LRP1B: variants seen among roughly 807,000 people sequenced by gnomAD.
LRP1B encodes LDL receptor related protein 1B.
LRP1B carries 217 observed loss-of-function variants against 556.6 expected under a neutral mutation model. The observed-to-expected ratio is 0.39, with a 90% CI of 0.35 to 0.44. The LOEUF (loss-of-function observed/expected upper bound fraction) is 0.44, where lower values mean the gene tolerates loss of function less well. LRP1B is among the 20% of genes least tolerant of loss of function. The pLI is 1.00. For synonymous variants in LRP1B, 2,047 were observed against 1,865.8 expected (o/e 1.10, Z -2.50); for missense variants, 5,053 against 5,620.8 (o/e 0.90, Z 3.23).
intron 87 of LRP1B, among the ~76,000 whole-genome samples, chr2:140,241,980 CTT>C (rs142369553): frequency 6.6e-6 from 1 of 150,534 alleles, no homozygotes; most frequent in Non-Finnish European, 1.5e-5. Context: ...TAGAGCAAGT[CTT>C]TTTTTGCAAC....
At chr2:141,732,638 G>C (rs1693316773) in intron 2 of LRP1B, among the ~76,000 whole-genome samples, 1 of 152,034 alleles carries the variant, frequency 6.6e-6, no homozygotes, top group Non-Finnish European at 1.5e-5. Context: ...CACACACACA[G>C]ATTTCACCAG....
At chr2:140,498,632 G>T (rs759168425) in intron 55 of LRP1B, among the ~76,000 whole-genome samples, 26 of 151,704 alleles carry the variant, frequency 1.7e-4, no homozygotes, top group Non-Finnish European at 3.1e-4. Flanking sequence ...GGAGAAGTAG[G>T]CTGCTGGATA....
chr2:140,246,468 G>A (rs895135065), intron 87 of LRP1B, among the ~76,000 whole-genome samples: 1 of 150,838 alleles, frequency 6.6e-6, no homozygotes, highest in Non-Finnish European at 1.5e-5. Flanking sequence ...GACACACAAC[G>A]ATGATATAGA....
At chr2:140,485,838 C>T (rs1161853914) in intron 58 of LRP1B, among the ~76,000 whole-genome samples, 1 of 102,718 alleles carries the variant, frequency 9.7e-6, no homozygotes, top group East Asian at 2.8e-4. Context: ...ACAAAATTCT[C>T]ACGCACATAC....
chr2:141,697,335 G>A (rs1012382116), intron 2 of LRP1B, among the ~76,000 whole-genome samples: 1 of 151,856 alleles, frequency 6.6e-6, no homozygotes, highest in Non-Finnish European at 1.5e-5. Context: ...AACATAGTAA[G>A]TCACCGAATC....
chr2:140,703,050 T>A (rs1204203289), intron 37 of LRP1B, among the ~76,000 whole-genome samples: 2 of 152,146 alleles, frequency 1.3e-5, no homozygotes, highest in Non-Finnish European at 2.9e-5. Flanking sequence ...TCATTCACTA[T>A]TACTCCTTTA....
At chr2:140,741,010 T>C (rs954266273) in intron 35 of LRP1B, among the ~76,000 whole-genome samples, 7 of 152,152 alleles carry the variant, frequency 4.6e-5, no homozygotes. Context: ...TTCATGCCTC[T>C]CAGAGATTAT....
chr2:140,707,116 A>C (rs1686867563), intron 37 of LRP1B, among the ~76,000 whole-genome samples: 1 of 152,162 alleles, frequency 6.6e-6, no homozygotes, highest in Admixed American at 6.6e-5. Context: ...TTTGATTGCT[A>C]AACTGTTTCC....
intron 11 of LRP1B, among the ~76,000 whole-genome samples, chr2:141,041,618 A>G (rs1327293440): frequency 3.3e-5 from 5 of 152,094 alleles, no homozygotes; most frequent in Non-Finnish European, 1.5e-5. Context: ...TCCTCAACAC[A>G]TGCATAGTTA....
chr2:141,616,553 TAGAA>T (rs1338794848), intron 2 of LRP1B, among the ~76,000 whole-genome samples: 1 of 152,212 alleles, frequency 6.6e-6, no homozygotes, highest in Non-Finnish European at 1.5e-5. Context: ...AGTCATTCAA[TAGAA>T]AGATATTTTA....
chr2:140,919,587 C>T (rs1246606672), intron 21 of LRP1B, among the ~76,000 whole-genome samples: 3 of 152,034 alleles, frequency 2.0e-5, no homozygotes, highest in Admixed American at 6.6e-5. Flanking sequence ...TTTCTATTGA[C>T]CCTAAGATCT....
intron 2 of LRP1B, among the ~76,000 whole-genome samples, chr2:141,506,595 T>G (rs953998837): frequency 6.6e-6 from 1 of 152,118 alleles, no homozygotes; most frequent in African/African-American, 2.4e-5. Flanking sequence ...ACAGGCTGTA[T>G]AGGATGTGGG....
intron 7 of LRP1B, among the ~76,000 whole-genome samples, chr2:141,169,959 G>A (rs1027048484): frequency 6.6e-6 from 1 of 151,948 alleles, no homozygotes; most frequent in African/African-American, 2.4e-5. Context: ...TCCTCTCATA[G>A]CTGCCACATT....
chr2:141,022,728 A>G (rs1381263046), intron 11 of LRP1B, among the ~76,000 whole-genome samples: 1 of 151,994 alleles, frequency 6.6e-6, no homozygotes, highest in East Asian at 1.9e-4. Flanking sequence ...CAGAGAGTCT[A>G]ATTATTAGCT....
intron 67 of LRP1B, among the ~76,000 whole-genome samples, chr2:140,385,683 T>C (rs1294536690): frequency 1.3e-5 from 2 of 152,194 alleles, no homozygotes; most frequent in Non-Finnish European, 2.9e-5. Flanking sequence ...GTGAGAACTG[T>C]AACAAAATAA....
intron 84 of LRP1B, among the ~76,000 whole-genome samples, chr2:140,296,894 C>G (rs1194769849): frequency 1.3e-5 from 2 of 151,992 alleles, no homozygotes; most frequent in Non-Finnish European, 2.9e-5. Flanking sequence ...TGGACAACAA[C>G]TATATTTTCA....
At chr2:140,499,077 G>A (rs1185047810) in intron 55 of LRP1B, among the ~76,000 whole-genome samples, 1 of 151,668 alleles carries the variant, frequency 6.6e-6, no homozygotes, top group Non-Finnish European at 1.5e-5. Context: ...ACGGCTTCTT[G>A]AGAAGACAAA....
intron 2 of LRP1B, among the ~76,000 whole-genome samples, chr2:141,527,180 C>T (rs1684719066): frequency 6.6e-6 from 1 of 151,828 alleles, no homozygotes; most frequent in South Asian, 2.1e-4. Context: ...TTTTCCAGGA[C>T]AAGACTAATT....
intron 35 of LRP1B, among the ~76,000 whole-genome samples, chr2:140,761,141 C>T (rs916042185): frequency 2.6e-5 from 4 of 152,190 alleles, no homozygotes; most frequent in Admixed American, 2.6e-4. Flanking sequence ...CAGTCAGCTA[C>T]AGTCTACTAT....
Sources: gnomAD v4.1 joint callset for allele counts (sites outside exome capture counted in the v4.1 genomes callset) on GRCh38, gnomAD v4.1.1 for gene constraint, MANE v1.5 for transcripts, NCBI Gene and HGNC (gene_info 2026-07-23, HGNC 2026-07-21) for gene names.